The following SART1 variants were observed in gnomAD, a reference collection of about 807,000 sequenced individuals.
SART1 encodes the protein U4/U6.U5 tri-snRNP-associated protein 1.
A neutral mutation model predicts 105.0 loss-of-function variants in SART1; 28 were observed. That is an observed-to-expected ratio of 0.27 (90% confidence interval 0.20 to 0.37). SART1 has a LOEUF of 0.37. Among genes scored for constraint, SART1 ranks in the 10% least tolerant of loss-of-function variants. SART1 has a pLI of 1.00. For synonymous variants in SART1, 472 were observed against 462.9 expected (o/e 1.02, Z -0.25); for missense variants, 894 against 1,106.5 (o/e 0.81, Z 2.72).
Position 65,967,473 on chromosome 11 carries a change from T to G in SART1, c.1316T>G (p.Leu439Arg). 1 of 1,613,332 alleles carries G rather than the reference T, an allele frequency of 6.2e-7. No individual in the cohort carries two copies. The highest frequency in any genetic ancestry group is 8.5e-7 in the Non-Finnish European group (1 of 1,179,828). The change falls in exon 11 of 20, where the codon CTG becomes CGG. Residue 439 changes from leucine (L) to arginine (R), a missense_variant and splice_region_variant. This residue lies in a region of SART1 where 712 missense variants were observed against 778.2 expected (regional missense o/e 0.91). Coordinates refer to ENST00000312397, the MANE Select transcript of SART1 (RefSeq NM_005146.5). ...QTQDGDFGSR[L>R]RGRGRRRVSE... ...CCAGAGAGGCCTCCTTCCCTCAGAC[T>G]GCGGGGACGGGGTCGCCGCCGAGTG... is the stretch of plus-strand genomic sequence containing the variant.
intron 3 of SART1, among the ~76,000 whole-genome samples, chr11:65,964,796 G>A (rs1464472421): frequency 1.3e-5 from 2 of 152,218 alleles, no homozygotes; most frequent in Non-Finnish European, 2.9e-5. Flanking sequence ...GCTGTGAGTT[G>A]TTAGATGGAC....
In SART1 at chr11:65,964,457, A is replaced by G. The variant is rs1855206903; in HGVS notation, c.372-58A>G. On this transcript the variant is annotated intron_variant, in intron 2 of 19. Transcript: ENST00000312397. Reference sequence around the variant, plus strand: ...TGTTTCTCCTCTTGTCTGTCTGGAAATGCACATGGCACCCTGTGTCTTTAA... The same window carrying G: ...TGTTTCTCCTCTTGTCTGTCTGGAAGTGCACATGGCACCCTGTGTCTTTAA... 4 of 1,590,762 alleles carry G rather than the reference A, an allele frequency of 2.5e-6. No individual in the cohort carries two copies. In the South Asian group the frequency reaches 4.4e-5, roughly 18 times the overall value.
rs959419263 is a variant in SART1 at position 65,978,143 on chromosome 11, C to G, written c.2172+244C>G. 5.3e-6 allele frequency: 3 copies of G among 565,476 alleles called. No homozygotes were observed. The Admixed American group carries it at 9.3e-5, about 17-fold the overall frequency. The allele number at this position is 565,476 out of a possible 1,614,324, so 35.0% of individuals were successfully genotyped here. On this transcript the variant is annotated intron_variant, in intron 17 of 19. Coordinates refer to ENST00000312397, the MANE Select transcript of SART1 (RefSeq NM_005146.5). This position sits in a 1 kb window ranked among gnomAD's most constrained non-coding sequence, Gnocchi z 6.8. ...CTGGCAGGAGGGTCAGACAGGCACT[C>G]GGGACCTCTGCCCTCCTGTCCTCAC... is the stretch of plus-strand genomic sequence containing the variant.
intron 12 of SART1, among the ~76,000 whole-genome samples, chr11:65,972,899 C>A (rs11227368): frequency 6.6e-6 from 1 of 151,956 alleles, no homozygotes; most frequent in African/African-American, 2.4e-5. Flanking sequence ...TGGCCGGGCG[C>A]GATGGCTCAC....
In SART1 at chr11:65,966,509, A is replaced by C. The variant is rs1855261487; in HGVS notation, c.1141A>C (p.Thr381Pro). The change falls in exon 9 of 20, where the codon ACA becomes CCA. Residue 381 changes from threonine (T) to proline (P), a missense_variant. Physicochemically the swap from Thr to Pro is conservative, Grantham distance 38 (BLOSUM62 -1). Coordinates refer to ENST00000312397, the MANE Select transcript of SART1 (RefSeq NM_005146.5). ...GCGGCTGCAGGCTCAGTCCCTGAGCACAGTGGGGCCCCGGCTGGCCTCCGA... is the reference window on the plus strand; with the variant it reads ...GCGGCTGCAGGCTCAGTCCCTGAGCCCAGTGGGGCCCCGGCTGGCCTCCGA... Reference protein sequence around the residue: ...KLRLQAQSLSTVGPRLASEYL... With the variant: ...KLRLQAQSLSPVGPRLASEYL... 2 of 1,590,012 alleles carry C rather than the reference A, an allele frequency of 1.3e-6. No homozygotes were observed.
At position 65,970,329 on chromosome 11, in the gene SART1, C is replaced by A. The variant is rs71455796; in HGVS notation, c.1572+2508C>A. On this transcript the variant is annotated intron_variant, in intron 12 of 19. Transcript: ENST00000312397. ...CATGCCAACATTTTCCAGTTATCCC[C>A]CAAAATGTCTTTTTAGTTTTTTGTT... 3.3e-3 allele frequency among the ~76,000 whole-genome samples: 503 copies of A among 152,286 alleles called. 1 individual carries two copies. Among genetic ancestry groups the A allele is most frequent in the Admixed American group, 9.0e-3 (137 of 15,286 alleles).
At position 65,978,145 on chromosome 11, in the gene SART1, G is replaced by A. The variant is rs559725195; in HGVS notation, c.2172+246G>A. 1.3e-4 allele frequency: 72 copies of A among 565,012 alleles called. 1 individual carries two copies. In the East Asian group the frequency reaches 2.1e-3, roughly 17 times the overall value. 35.0% of individuals were successfully genotyped at this position (565,012 alleles called of 1,614,324 possible). A position where few individuals can be genotyped will look rare whatever the true frequency, so the allele number is the denominator to read the frequency against. ...GGCAGGAGGGTCAGACAGGCACTCG[G>A]GACCTCTGCCCTCCTGTCCTCACCT... On this transcript the variant is annotated intron_variant, in intron 17 of 19. Coordinates refer to ENST00000312397, the MANE Select transcript of SART1 (RefSeq NM_005146.5). The surrounding 1 kb of genome is among the most constrained non-coding windows in gnomAD (Gnocchi z 6.8).
chr11:65,965,679 G>A lies in SART1; in HGVS notation c.661-23G>A, dbSNP rs188094916. On this transcript the variant is annotated intron_variant, in intron 5 of 19. Transcript: ENST00000312397. Reference sequence around the variant, plus strand: ...TGATGCTGAGTGGCCTGAAGTCCTAGGTCACCCCTCCCTGTCCCGTAGGCC... The same window carrying A: ...TGATGCTGAGTGGCCTGAAGTCCTAAGTCACCCCTCCCTGTCCCGTAGGCC... 3.6e-4 allele frequency: 587 copies of A among 1,609,468 alleles called. 2 individuals carry two copies. In the African/African-American group the frequency reaches 7.2e-3, roughly 20 times the overall value.
At chr11:65,968,120 T>C (rs1253536855) in intron 12 of SART1, among the ~76,000 whole-genome samples, 1 of 152,136 alleles carries the variant, frequency 6.6e-6, no homozygotes, top group Non-Finnish European at 1.5e-5. Flanking sequence ...CGGCTAATTT[T>C]TATATTTTTA....
At chr11:65,964,187 G>C in intron 2 of SART1, 56 bp downstream of exon 2, 5 of 1,451,090 alleles carry the variant, frequency 3.4e-6, no homozygotes, top group Non-Finnish European at 4.8e-6. Context: ...TGGCTCTGGG[G>C]CCAGCACGGG....
chr11:65,976,832 C>A lies in SART1; in HGVS notation c.1857+66C>A. ...TCAAGCTGGAGATGAGCACCGGGCT[C>A]GGTGTCCAGAGCCTCAGCCTCCTCA... On this transcript the variant is annotated intron_variant, in intron 14 of 19. Transcript: ENST00000312397. This position sits in a 1 kb window ranked among gnomAD's most constrained non-coding sequence, Gnocchi z 5.1. 1 of 1,381,692 alleles carries A rather than the reference C, an allele frequency of 7.2e-7. No homozygotes were observed. Among genetic ancestry groups the A allele is most frequent in the African/African-American group, 1.4e-5 (1 of 70,178 alleles). The allele number at this position is 1,381,692 out of a possible 1,614,324, so 85.6% of individuals were successfully genotyped here. A position where few individuals can be genotyped will look rare whatever the true frequency, so the allele number is the denominator to read the frequency against.
chr11:65,967,352 G>A lies in SART1; in HGVS notation c.1282G>A (p.Asp428Asn), dbSNP rs766484641. 3.1e-6 allele frequency: 5 copies of A among 1,614,032 alleles called. No individual in the cohort carries two copies. In the Admixed American group the frequency reaches 5.0e-5, roughly 16 times the overall value. The change falls in exon 10 of 20, where the codon GAC becomes AAC. Residue 428 changes from aspartate to asparagine, a missense_variant. Around this residue, in one of 2 missense-constraint regions of SART1, gnomAD observed 712 missense variants for 778.2 expected, o/e 0.91. Transcript: ENST00000312397. ...VRADDLLPLG[D>N]QTQDGDFGSR... The stretch of plus-strand genomic sequence containing the variant: ...GGCAGATGACTTGCTGCCTCTCGGG[G>A]ACCAGACTCAGGATGGGGACTTTGG...
chr11:65,967,493 C>T lies in SART1; in HGVS notation c.1336C>T (p.Arg446Ter). The T allele has an allele frequency of 1.2e-6, 2 of 1,613,058 alleles. No individual in the cohort carries two copies. Among genetic ancestry groups the T allele is most frequent in the Non-Finnish European group, 1.7e-6 (2 of 1,179,914 alleles). Residue 446 changes from arginine (R) to a stop codon, truncating the protein, a stop_gained, in exon 11 of 20, where the codon CGA (arginine) becomes TGA (stop). Coordinates refer to ENST00000312397, the MANE Select transcript of SART1 (RefSeq NM_005146.5). LOFTEE classifies it high-confidence loss of function. ...GSRLRGRGRR[R>*]VSEVEEEKEP... ...CAGACTGCGGGGACGGGGTCGCCGC[C>T]GAGTGTCCGAAGTGGAGGAGGAGAA...
intron 12 of SART1, among the ~76,000 whole-genome samples, chr11:65,972,483 G>T (rs1490004737): frequency 1.1e-4 from 16 of 152,108 alleles, no homozygotes; most frequent in Admixed American, 1.0e-3. Flanking sequence ...TAACTTTTTG[G>T]TAGAAAAGAT....
Position 65,965,386 on chromosome 11 carries a change from C to T in SART1, c.599C>T (p.Thr200Ile). The T allele has an allele frequency of 6.3e-7, 1 of 1,584,342 alleles. No homozygotes were observed. The highest frequency in any genetic ancestry group is 8.6e-7 in the Non-Finnish European group (1 of 1,165,288). Residue 200 changes from threonine to isoleucine, a missense_variant, in exon 5 of 20, where the codon ACT becomes ATT. Around this residue, in one of 2 missense-constraint regions of SART1, gnomAD observed 712 missense variants for 778.2 expected, o/e 0.91. Transcript: ENST00000312397. ...GAGGATGACCCCTGGCTGGACGACA[C>T]TGCAGCCTGGATCGAGAGGAGCCGG... is the stretch of plus-strand genomic sequence containing the variant. ...LGEDDPWLDDTAAWIERSRQL... is the reference protein window; with the variant it reads ...LGEDDPWLDDIAAWIERSRQL...
In SART1 at chr11:65,965,236, G is replaced by A. The variant is rs770116159; in HGVS notation, c.554+18G>A. The A allele has an allele frequency of 1.2e-6, 2 of 1,608,980 alleles. No individual in the cohort carries two copies. Among genetic ancestry groups the A allele is most frequent in the Non-Finnish European group, 1.7e-6 (2 of 1,178,426 alleles). ...AAGCTGGGGTGAGGGGTCCTGGCCA[G>A]GGCAGGCAAGGGAAGGGCTGGGGAG... On this transcript the variant is annotated intron_variant, in intron 4 of 19. Coordinates refer to ENST00000312397, the MANE Select transcript of SART1 (RefSeq NM_005146.5).
At chr11:65,967,178 A>G (rs775895357) in intron 9 of SART1, 81 bp from the exon 10 acceptor site, 27 of 1,560,998 alleles carry the variant, frequency 1.7e-5, no homozygotes, top group Non-Finnish European at 2.3e-5. Flanking sequence ...AGGAACACCA[A>G]AGAAGTGTTC....
chr11:65,963,096 T>A (rs1273314346), intron 1 of SART1, among the ~76,000 whole-genome samples: 2 of 151,716 alleles, frequency 1.3e-5, no homozygotes, highest in African/African-American at 4.8e-5. Context: ...GGGTGGCCAG[T>A]GAAGCCCCTG....
At position 65,967,476 on chromosome 11, in the gene SART1, G is replaced by C. The variant is rs766126860; in HGVS notation, c.1319G>C (p.Arg440Pro). 1.2e-6 allele frequency: 2 copies of C among 1,613,432 alleles called. No homozygotes were observed. The highest frequency in any genetic ancestry group is 1.1e-5 in the South Asian group (1 of 91,070). The stretch of plus-strand genomic sequence containing the variant: ...GAGAGGCCTCCTTCCCTCAGACTGC[G>C]GGGACGGGGTCGCCGCCGAGTGTCC... The part of the protein sequence containing the change: ...TQDGDFGSRL[R>P]GRGRRRVSEV... The change falls in exon 11 of 20, where the codon CGG becomes CCG. Residue 440 changes from arginine to proline, a missense_variant. Arg to Pro is a moderately radical substitution (Grantham distance 103, BLOSUM62 -2). Transcript: ENST00000312397.
Sources: gnomAD v4.1 joint callset for allele counts (sites outside exome capture counted in the v4.1 genomes callset) on GRCh38, gnomAD v4.1.1 for gene constraint, gnomAD v4.1.1 regional missense constraint, Gnocchi (gnomAD v3.1) non-coding constraint, MANE v1.5 for transcripts, NCBI Gene and HGNC (gene_info 2026-07-23, HGNC 2026-07-21) for gene names.